Variants in OXR1 observed in about 807,000 individuals in gnomAD.
OXR1 encodes oxidation resistance protein 1.
OXR1 carries 41 observed loss-of-function variants against 104.6 expected under a neutral mutation model. The observed-to-expected ratio is 0.39, with a 90% CI of 0.31 to 0.51. The LOEUF is 0.51. Ranked by LOEUF, OXR1 falls within the 20% of genes least tolerant of loss-of-function variation. The pLI is 0.77. For missense variants in OXR1, 955 were observed against 1,031.9 expected (o/e 0.93, Z 1.02); for synonymous variants, 348 against 348.4 (o/e 1.00, Z 0.01).
At chr8:106,476,842 A>G (rs1482359072) in intron 2 of OXR1, among the ~76,000 whole-genome samples, 1 of 151,830 alleles carries the variant, frequency 6.6e-6, no homozygotes, top group Non-Finnish European at 1.5e-5. Context: ...TTGTCATATA[A>G]TGGCTTTTCT....
chr8:106,453,702 C>G (rs1820447215), intron 2 of OXR1, among the ~76,000 whole-genome samples: 2 of 152,228 alleles, frequency 1.3e-5, no homozygotes, highest in Non-Finnish European at 2.9e-5. Context: ...AATTATAATA[C>G]ATAGTCCAGG....
intron 16 of OXR1, among the ~76,000 whole-genome samples, chr8:106,748,866 G>A (rs919236539): frequency 6.6e-6 from 1 of 151,578 alleles, no homozygotes; most frequent in African/African-American, 2.4e-5. Flanking sequence ...CACTGCACCC[G>A]GCCCCAACTC....
chr8:106,632,609 CT>C lies in OXR1; in HGVS notation c.221-46592del, dbSNP rs529053420. Among the ~76,000 whole-genome samples, 52 of 151,684 alleles carry C rather than the reference CT, an allele frequency of 3.4e-4. No homozygotes were observed. In the East Asian group the frequency reaches 5.6e-3, roughly 16 times the overall value. ...AAAGAGGGGAACACTTTATATACCT[CT>C]TTTTTTTTATTTCAATTGTTTCTGC... On this transcript the variant is annotated intron_variant, in intron 3 of 16. Coordinates refer to ENST00000517566, the MANE Select transcript of OXR1 (RefSeq NM_001198533.2).
chr8:106,368,591 C>T (rs1416998084), intron 2 of OXR1, among the ~76,000 whole-genome samples: 1 of 151,960 alleles, frequency 6.6e-6, no homozygotes, highest in Non-Finnish European at 1.5e-5. Context: ...TGTTGTTTCC[C>T]TCTCTGTGTC....
chr8:106,313,411 A>G (rs1180646792), intron 1 of OXR1, among the ~76,000 whole-genome samples: 2 of 152,146 alleles, frequency 1.3e-5, no homozygotes, highest in Non-Finnish European at 2.9e-5. Context: ...CCTGTAGTAG[A>G]TTTTAGAAAC....
chr8:106,369,339 C>T (rs1201567289), intron 2 of OXR1, among the ~76,000 whole-genome samples: 1 of 152,118 alleles, frequency 6.6e-6, no homozygotes, highest in Non-Finnish European at 1.5e-5. Flanking sequence ...TTCTCCCATA[C>T]TGTGGGTTAC....
intron 16 of OXR1, among the ~76,000 whole-genome samples, chr8:106,748,895 A>G (rs566592276): frequency 1.4e-4 from 21 of 152,126 alleles, no homozygotes; most frequent in Middle Eastern, 3.4e-3. Context: ...ACCATTCTAC[A>G]TGGTCACTGT....
chr8:106,522,087 G>C (rs891709843), intron 3 of OXR1, among the ~76,000 whole-genome samples: 1 of 152,108 alleles, frequency 6.6e-6, no homozygotes, highest in African/African-American at 2.4e-5. Context: ...AGGGCTTAAA[G>C]GATTTTCAAA....
At chr8:106,668,128 A>AT (rs1476879382) in intron 3 of OXR1, among the ~76,000 whole-genome samples, 1 of 152,008 alleles carries the variant, frequency 6.6e-6, no homozygotes, top group East Asian at 1.9e-4. Flanking sequence ...CTATTTTTAC[A>AT]TTGTCCATGT....
intron 3 of OXR1, among the ~76,000 whole-genome samples, chr8:106,533,904 G>A (rs1414535080): frequency 1.3e-5 from 2 of 151,794 alleles, no homozygotes; most frequent in African/African-American, 2.4e-5. Flanking sequence ...GTAGAGACAG[G>A]GCTTTTCCAT....
At chr8:106,662,963 A>G (rs1475039585) in intron 3 of OXR1, among the ~76,000 whole-genome samples, 1 of 152,150 alleles carries the variant, frequency 6.6e-6, no homozygotes, top group Non-Finnish European at 1.5e-5. Flanking sequence ...GAGGGCCTAC[A>G]TGATGCTCAA....
At chr8:106,387,342 A>C (rs1279891361) in intron 2 of OXR1, among the ~76,000 whole-genome samples, 1 of 152,248 alleles carries the variant, frequency 6.6e-6, no homozygotes, top group Non-Finnish European at 1.5e-5. Context: ...TGAAATAACT[A>C]GCACCAAATA....
chr8:106,516,199 T>C (rs944926844), intron 2 of OXR1, among the ~76,000 whole-genome samples: 3 of 152,122 alleles, frequency 2.0e-5, no homozygotes, highest in Non-Finnish European at 2.9e-5. Flanking sequence ...CATAGCTCAT[T>C]CCTTCAGTCT....
intron 2 of OXR1, among the ~76,000 whole-genome samples, chr8:106,435,836 G>A (rs532581357): frequency 3.0e-4 from 45 of 152,096 alleles, no homozygotes; most frequent in African/African-American, 8.2e-4. Context: ...GACATATTTC[G>A]TCACCCTTCA....
At chr8:106,397,548 G>A (rs1349749690) in intron 2 of OXR1, among the ~76,000 whole-genome samples, 3 of 151,862 alleles carry the variant, frequency 2.0e-5, no homozygotes, top group Non-Finnish European at 4.4e-5. Context: ...TAAGAGTTCA[G>A]CAGAAGATGA....
intron 2 of OXR1, among the ~76,000 whole-genome samples, chr8:106,375,102 A>T (rs956355657): frequency 4.6e-5 from 7 of 152,272 alleles, no homozygotes; most frequent in Non-Finnish European, 8.8e-5. Flanking sequence ...TTTTTCCCTG[A>T]GGTTTTTATA....
chr8:106,394,233 T>C (rs563038259), intron 2 of OXR1, among the ~76,000 whole-genome samples: 42 of 151,106 alleles, frequency 2.8e-4, no homozygotes, highest in African/African-American at 1.0e-3. Flanking sequence ...TTTTGAAAGA[T>C]GAAATCTTTA....
At chr8:106,679,116 A>G in intron 3 of OXR1, 94 bp from the exon 4 acceptor site, 1 of 656,640 alleles carries the variant, frequency 1.5e-6, no homozygotes, top group South Asian at 2.2e-5. Context: ...TTACTAGTAA[A>G]TTAGACATCT....
At chr8:106,594,376 C>T (rs978846110) in intron 3 of OXR1, among the ~76,000 whole-genome samples, 1 of 152,078 alleles carries the variant, frequency 6.6e-6, no homozygotes, top group African/African-American at 2.4e-5. Flanking sequence ...CGTCTGTTTC[C>T]ACTGGAAGTT....
Sources: gnomAD v4.1 joint callset for allele counts (sites outside exome capture counted in the v4.1 genomes callset) on GRCh38, gnomAD v4.1.1 for gene constraint, MANE v1.5 for transcripts, NCBI Gene and HGNC (gene_info 2026-07-23, HGNC 2026-07-21) for gene names.